Variants in RBBP6 observed in about 807,000 individuals in gnomAD.
RBBP6 encodes E3 ubiquitin-protein ligase RBBP6.
In RBBP6, 25 loss-of-function variants were observed where a neutral mutation model predicts 167.7. The ratio of observed to expected loss-of-function variants is 0.15; its 90% CI spans 0.11 to 0.21. The LOEUF (loss-of-function observed/expected upper bound fraction) is 0.21, where lower values mean the gene tolerates loss of function less well. RBBP6 is among the 10% of genes least tolerant of loss of function. The pLI, the probability that RBBP6 is intolerant of heterozygous loss-of-function variation, is 1.00. For missense variants in RBBP6, 1,868 were observed against 2,134.2 expected (o/e 0.88, Z 2.46); for synonymous variants, 789 against 735.8 (o/e 1.07, Z -1.17).
chr16:24,561,050 G>A (rs538251748), intron 8 of RBBP6, among the ~76,000 whole-genome samples: 1 of 151,972 alleles, frequency 6.6e-6, no homozygotes, highest in African/African-American at 2.4e-5. Flanking sequence ...CTTCGTATCT[G>A]TAATTTAGTG....
intron 14 of RBBP6, among the ~76,000 whole-genome samples, chr16:24,565,281 A>G (rs748993367): frequency 2.6e-5 from 4 of 152,180 alleles, no homozygotes; most frequent in Admixed American, 1.3e-4. Flanking sequence ...CACTGTCCCA[A>G]TCATCTCCCA....
chr16:24,561,239 A>T (rs1417665306), intron 8 of RBBP6, among the ~76,000 whole-genome samples: 1 of 151,688 alleles, frequency 6.6e-6, no homozygotes, highest in African/African-American at 2.4e-5. Flanking sequence ...TTTGCTCTCA[A>T]TTCAGACATT....
chr16:24,556,464 G>C lies in RBBP6; in HGVS notation c.674+17G>C. 2 of 1,608,736 alleles carry C rather than the reference G, an allele frequency of 1.2e-6. No individual in the cohort carries two copies. The highest frequency in any genetic ancestry group is 1.7e-6 in the Non-Finnish European group (2 of 1,177,460). On this transcript the variant is annotated intron_variant, in intron 7 of 17. Coordinates refer to ENST00000319715, the MANE Select transcript of RBBP6 (RefSeq NM_006910.5). ...TATAGATGCGTAAGTATGCAAATTA[G>C]GTATGACCTGTGGAGACTCCAGTCA...
intron 7 of RBBP6, among the ~76,000 whole-genome samples, chr16:24,557,214 C>T (rs938310985): frequency 2.0e-5 from 3 of 151,966 alleles, no homozygotes; most frequent in African/African-American, 7.2e-5. Flanking sequence ...GTTAGCCTGA[C>T]CTTGTGCTCC....
chr16:24,563,539 T>C (rs1244180176), intron 12 of RBBP6, 38 bp downstream of exon 12: 2 of 1,611,776 alleles, frequency 1.2e-6, no homozygotes, highest in Non-Finnish European at 8.5e-7. Context: ...TTTTTCCCTT[T>C]AAAAAATAAT....
intron 7 of RBBP6, chr16:24,558,339 CTCT>C (rs1481993610): frequency 3.2e-5 from 12 of 369,876 alleles, no homozygotes; most frequent in East Asian, 1.6e-4. Flanking sequence ...GCAACTCAGA[CTCT>C]TCTTCTGTTT....
rs1408908217 is a variant in RBBP6, at chr16:24,539,641, A to T, written c.-986A>T. ...TTGGAGGTGTCGCCGCCGCTCGGTG[A>T]GAGCCCCCGAGCGGCAGGGGGCCAA... On this transcript the variant is annotated 5_prime_UTR_variant, in exon 1 of 18. Transcript: ENST00000319715. The T allele has an allele frequency of 6.6e-6, 1 of 152,088 alleles. No individual in the cohort carries two copies. The highest frequency in any genetic ancestry group is 2.4e-5 in the African/African-American group (1 of 41,410). 9.4% of individuals were successfully genotyped at this position (152,088 alleles called of 1,614,324 possible).
intron 8 of RBBP6, among the ~76,000 whole-genome samples, chr16:24,560,667 A>G: frequency 6.6e-6 from 1 of 152,236 alleles, no homozygotes; most frequent in East Asian, 1.9e-4. Flanking sequence ...TGGGGGCAAG[A>G]AAACAGTAAA....
chr16:24,550,043 C>G (rs1168543276), intron 3 of RBBP6, among the ~76,000 whole-genome samples: 3 of 151,896 alleles, frequency 2.0e-5, no homozygotes, highest in Non-Finnish European at 2.9e-5. Context: ...TGTAATGGTT[C>G]TCTAAACATT....
chr16:24,553,565 TA>T lies in RBBP6; in HGVS notation c.348+9del. 6.4e-7 allele frequency: 1 copy of T among 1,558,584 alleles called. No homozygotes were observed. The highest frequency in any genetic ancestry group is 8.7e-7 in the Non-Finnish European group (1 of 1,144,700). ...CTGGCCCAGCTTACAAAGGTATATA[TA>T]TATATATATTCTTGAAAATATAAGT... On this transcript the variant is annotated intron_variant, in intron 4 of 17. Coordinates refer to ENST00000319715, the MANE Select transcript of RBBP6 (RefSeq NM_006910.5).
Position 24,539,690 on chromosome 16 carries a change from C to T in RBBP6, c.-937C>T, listed in dbSNP as rs879590048. 1 of 152,204 alleles carries T rather than the reference C, an allele frequency of 6.6e-6. No homozygotes were observed. Among genetic ancestry groups the T allele is most frequent in the African/African-American group, 2.4e-5 (1 of 41,456 alleles). 9.4% of individuals were successfully genotyped at this position (152,204 alleles called of 1,614,324 possible). On this transcript the variant is annotated 5_prime_UTR_variant, in exon 1 of 18. Transcript: ENST00000319715. ...AACACAAAAAGGGAGCCGGAGAAGC[C>T]CTAGCCGCTGCCCAGCAGCTTGCGG...
chr16:24,546,414 C>G, intron 2 of RBBP6, 152 bp downstream of exon 2: 2 of 1,059,702 alleles, frequency 1.9e-6, no homozygotes, highest in Non-Finnish European at 2.4e-6. Flanking sequence ...TTTCTTTGTT[C>G]GTTTGTTTTT....
intron 14 of RBBP6, among the ~76,000 whole-genome samples, chr16:24,565,662 G>A (rs902426579): frequency 1.3e-4 from 20 of 152,198 alleles, no homozygotes; most frequent in South Asian, 6.2e-4. Flanking sequence ...CCCTGCCCCC[G>A]TCCATGGAAA....
Position 24,572,585 on chromosome 16 carries a change from AT to A in RBBP6, c.*145del. On this transcript the variant is annotated 3_prime_UTR_variant, in exon 18 of 18. Coordinates refer to ENST00000319715, the MANE Select transcript of RBBP6 (RefSeq NM_006910.5). Reference sequence around the variant, plus strand: ...TAAAATATTGCTGCTTGATTATTTGATTTTTACATCAGAGCTTTATAACACG... The same window carrying A: ...TAAAATATTGCTGCTTGATTATTTGATTTTACATCAGAGCTTTATAACACG... 1 of 1,227,520 alleles carries A rather than the reference AT, an allele frequency of 8.1e-7. No individual in the cohort carries two copies. Among genetic ancestry groups the A allele is most frequent in the Non-Finnish European group, 1.1e-6 (1 of 920,872 alleles). 76.0% of individuals were successfully genotyped at this position (1,227,520 alleles called of 1,614,324 possible). A position where few individuals can be genotyped will look rare whatever the true frequency, so the allele number is the denominator to read the frequency against.
chr16:24,548,539 ATG>A (rs1898719888), intron 2 of RBBP6, among the ~76,000 whole-genome samples: 1 of 152,170 alleles, frequency 6.6e-6, no homozygotes, highest in Non-Finnish European at 1.5e-5. Context: ...CAAATTACAA[ATG>A]TTAACAACAG....
Position 24,569,154 on chromosome 16 carries a change from T to C in RBBP6, c.2464T>C (p.Phe822Leu). Residue 822 changes from phenylalanine (F) to leucine (L), a missense_variant, in exon 17 of 18, where the codon TTT (phenylalanine) becomes CTT (leucine). Phe to Leu is a conservative substitution (Grantham distance 22). Around this residue, in one of 7 missense-constraint regions of RBBP6, gnomAD observed 673 missense variants for 691.5 expected, o/e 0.97. Transcript: ENST00000319715. ...GAGAAGTGTTGACTTTAGAGACCCA[T>C]TTGAAAAAGAACGCTACCGAGAATG... ...YGRSVDFRDP[F>L]EKERYREWER... 5 of 1,611,522 alleles carry C rather than the reference T, an allele frequency of 3.1e-6. No homozygotes were observed. The highest frequency in any genetic ancestry group is 2.5e-6 in the Non-Finnish European group (3 of 1,179,338).
Position 24,570,018 on chromosome 16 carries a change from G to A in RBBP6, c.3328G>A (p.Val1110Met). Reference protein sequence around the residue: ...QETKPVKEEKVKKDYSKDVKS... With the variant: ...QETKPVKEEKMKKDYSKDVKS... The stretch of plus-strand genomic sequence containing the variant: ...AACAAAACCAGTCAAAGAGGAAAAA[G>A]TGAAGAAGGACTATTCCAAAGATGT... Residue 1110 changes from valine (V) to methionine (M), a missense_variant, in exon 17 of 18, where the codon GTG becomes ATG. Val to Met is a conservative substitution (Grantham distance 21). Around this residue, in one of 7 missense-constraint regions of RBBP6, gnomAD observed 673 missense variants for 691.5 expected, o/e 0.97. Transcript: ENST00000319715. The A allele has an allele frequency of 6.2e-7, 1 of 1,603,510 alleles. No homozygotes were observed. Among genetic ancestry groups the A allele is most frequent in the Non-Finnish European group, 8.5e-7 (1 of 1,177,688 alleles).
At chr16:24,561,290 A>T (rs1456132078) in intron 8 of RBBP6, among the ~76,000 whole-genome samples, 1 of 150,656 alleles carries the variant, frequency 6.6e-6, no homozygotes, top group African/African-American at 2.4e-5. Flanking sequence ...GATCCTTGCT[A>T]TTTTGCCCCA....
chr16:24,561,280 G>GA (rs1048900230), intron 8 of RBBP6, among the ~76,000 whole-genome samples: 2 of 151,912 alleles, frequency 1.3e-5, no homozygotes, highest in African/African-American at 4.8e-5. Context: ...TGGGGTGGGG[G>GA]ATCCTTGCTA....
Sources: gnomAD v4.1 joint callset for allele counts (sites outside exome capture counted in the v4.1 genomes callset) on GRCh38, gnomAD v4.1.1 for gene constraint, gnomAD v4.1.1 regional missense constraint, MANE v1.5 for transcripts, NCBI Gene and HGNC (gene_info 2026-07-23, HGNC 2026-07-21) for gene names.